Variants in RSU1 observed in about 807,000 individuals in gnomAD.
RSU1 encodes the protein rsu-1.
A neutral mutation model predicts 31.1 loss-of-function variants in RSU1; 26 were observed. The ratio of observed to expected loss-of-function variants is 0.84; its 90% confidence interval spans 0.61 to 1.16. RSU1 has a LOEUF of 1.16. Ranked by LOEUF, RSU1 falls within the 50% of genes most tolerant of loss-of-function variation. RSU1 has a pLI of 0.00. For synonymous variants in RSU1, 164 were observed against 136.3 expected (o/e 1.20, Z -1.41); for missense variants, 320 against 339.1 (o/e 0.94, Z 0.44).
intron 8 of RSU1, among the ~76,000 whole-genome samples, chr10:16,689,766 AAC>A (rs1312070995): frequency 3.3e-5 from 5 of 152,186 alleles, no homozygotes; most frequent in Admixed American, 2.6e-4. Context: ...AAAAAAACGG[AAC>A]ACACAAAACA....
intron 8 of RSU1, among the ~76,000 whole-genome samples, chr10:16,685,502 C>T (rs1211217791): frequency 2.0e-5 from 3 of 152,184 alleles, no homozygotes; most frequent in African/African-American, 4.8e-5. Context: ...GCTAAACAAG[C>T]GGTGGATTAT....
At chr10:16,731,378 C>T (rs1364918736) in intron 7 of RSU1, among the ~76,000 whole-genome samples, 1 of 148,150 alleles carries the variant, frequency 6.7e-6, no homozygotes, top group Non-Finnish European at 1.5e-5. Context: ...TGCAGTGAGC[C>T]GAGATAGCAC....
At chr10:16,691,761 G>A (rs1173157730) in intron 8 of RSU1, among the ~76,000 whole-genome samples, 1 of 115,164 alleles carries the variant, frequency 8.7e-6, no homozygotes, top group Non-Finnish European at 1.7e-5. Context: ...TTGAAACACA[G>A]TTTCACTATG....
intron 8 of RSU1, among the ~76,000 whole-genome samples, chr10:16,646,478 A>T (rs1476637007): frequency 6.6e-6 from 1 of 152,140 alleles, no homozygotes. Flanking sequence ...GCCCCGATCA[A>T]GTCCCTTCTC....
rs181633761 is a variant in RSU1, at chr10:16,673,293, G to A, written c.731+21730C>T. On this transcript the variant is annotated intron_variant, in intron 8 of 8. Coordinates refer to ENST00000345264, the MANE Select transcript of RSU1 (RefSeq NM_012425.4). ...TCCCTGTTTCTCTTTTGTATAGCAT[G>A]CAGCCACACTTATTCTCAAAAGCAG... is the stretch of plus-strand genomic sequence containing the variant. Among the ~76,000 whole-genome samples, 32 of 152,330 alleles carry A rather than the reference G, an allele frequency of 2.1e-4. 1 individual carries two copies. In the East Asian group the frequency reaches 6.2e-3, roughly 29 times the overall value.
At chr10:16,676,321 G>A (rs1475385021) in intron 8 of RSU1, among the ~76,000 whole-genome samples, 2 of 152,196 alleles carry the variant, frequency 1.3e-5, no homozygotes, top group East Asian at 1.9e-4. Context: ...GATGAAGGAT[G>A]AGCAAAGGCA....
chr10:16,805,685 C>T (rs1339472947), intron 2 of RSU1, among the ~76,000 whole-genome samples: 14 of 132,216 alleles, frequency 1.1e-4, no homozygotes, highest in Middle Eastern at 4.0e-3. Flanking sequence ...AAAAAAAAAG[C>T]TTTTTTTTTT....
chr10:16,690,924 A>G (rs986454343), intron 8 of RSU1, among the ~76,000 whole-genome samples: 2 of 152,202 alleles, frequency 1.3e-5, no homozygotes, highest in African/African-American at 4.8e-5. Flanking sequence ...ACAAATACAC[A>G]TCCGCAACAC....
intron 8 of RSU1, among the ~76,000 whole-genome samples, chr10:16,692,121 G>A (rs1835569122): frequency 6.6e-6 from 1 of 152,172 alleles, no homozygotes; most frequent in South Asian, 2.1e-4. Context: ...ATGAGGAAAT[G>A]AAACAGAAAA....
At chr10:16,794,798 T>C (rs996671367) in intron 2 of RSU1, among the ~76,000 whole-genome samples, 10 of 152,150 alleles carry the variant, frequency 6.6e-5, no homozygotes, top group African/African-American at 1.7e-4. Flanking sequence ...ATAAAAATAA[T>C]ATAAACCTGA....
intron 7 of RSU1, 79 bp downstream of exon 7, chr10:16,752,460 G>C (rs1159253271): frequency 5.9e-6 from 6 of 1,009,828 alleles, no homozygotes; most frequent in Non-Finnish European, 9.3e-6. Context: ...GAAGAGGACA[G>C]AGGTTGTTCA....
intron 8 of RSU1, among the ~76,000 whole-genome samples, chr10:16,604,480 C>T (rs561036238): frequency 5.3e-5 from 8 of 151,306 alleles, no homozygotes; most frequent in African/African-American, 1.5e-4. Context: ...ACCGCCCACC[C>T]GGCACACGCG....
At chr10:16,719,090 T>C (rs1421420336) in intron 7 of RSU1, among the ~76,000 whole-genome samples, 1 of 152,030 alleles carries the variant, frequency 6.6e-6, no homozygotes, top group Non-Finnish European at 1.5e-5. Flanking sequence ...GGAGGATTGC[T>C]TGACGGCAGG....
intron 8 of RSU1, among the ~76,000 whole-genome samples, chr10:16,668,327 A>G (rs79049517): frequency 0.026 from 3,953 of 152,308 alleles, 178 homozygotes; most frequent in African/African-American, 0.09. Context: ...TAAAATCTGC[A>G]GAACAGTGGA....
In RSU1 at chr10:16,772,229, C is replaced by A. The variant is rs575702608; in HGVS notation, c.161-7719G>T. On this transcript the variant is annotated intron_variant, in intron 3 of 8. Transcript: ENST00000345264. The stretch of plus-strand genomic sequence containing the variant: ...ATTTTAGAGGATAAAGCCAAACATG[C>A]AAAAATGTATGTTCCTGAGCTATAA... 2.0e-5 allele frequency among the ~76,000 whole-genome samples: 3 copies of A among 152,226 alleles called. No individual in the cohort carries two copies. The South Asian group carries it at 6.2e-4, about 32-fold the overall frequency.
chr10:16,711,932 T>G (rs1836029557), intron 7 of RSU1, among the ~76,000 whole-genome samples: 1 of 152,222 alleles, frequency 6.6e-6, no homozygotes, highest in Non-Finnish European at 1.5e-5. Flanking sequence ...GATATTTCTT[T>G]GCCAAACTTC....
intron 4 of RSU1, among the ~76,000 whole-genome samples, chr10:16,762,182 T>A (rs1837222398): frequency 6.6e-6 from 1 of 152,092 alleles, no homozygotes; most frequent in African/African-American, 2.4e-5. Context: ...GTCACTTACA[T>A]AGTCATGGAA....
chr10:16,696,430 T>C (rs961217378), intron 7 of RSU1, among the ~76,000 whole-genome samples: 2 of 152,206 alleles, frequency 1.3e-5, no homozygotes, highest in African/African-American at 2.4e-5. Flanking sequence ...AACAAAATAA[T>C]AGATACTTTG....
chr10:16,808,130 G>C (rs1838315852), intron 2 of RSU1, among the ~76,000 whole-genome samples: 1 of 151,882 alleles, frequency 6.6e-6, no homozygotes, highest in African/African-American at 2.4e-5. Flanking sequence ...AGCCCTTCGG[G>C]GCTAGGATAC....
Sources: gnomAD v4.1 joint callset for allele counts (sites outside exome capture counted in the v4.1 genomes callset) on GRCh38, gnomAD v4.1.1 for gene constraint, MANE v1.5 for transcripts, NCBI Gene and HGNC (gene_info 2026-07-23, HGNC 2026-07-21) for gene names.